PNKD: variants seen among roughly 807,000 people sequenced by gnomAD.
PNKD encodes PNKD metallo-beta-lactamase domain containing.
PNKD carries 36 observed loss-of-function variants against 45.3 expected under a neutral mutation model. That is an observed-to-expected ratio of 0.80 (90% CI 0.61 to 1.05). The LOEUF (loss-of-function observed/expected upper bound fraction) is 1.05, where lower values mean the gene tolerates loss of function less well. Among genes scored for constraint, PNKD ranks in the 50% least tolerant of loss-of-function variants. PNKD has a pLI of 0.00. For synonymous variants in PNKD, 197 were observed against 210.1 expected, an observed-to-expected ratio of 0.94 and a Z score of 0.54; for missense variants, 511 against 506.6, an observed-to-expected ratio of 1.01 and a Z score of -0.08.
intron 2 of PNKD, chr2:218,280,385 GGGTT>G (rs1691780230): frequency 2.4e-6 from 1 of 414,670 alleles, no homozygotes; most frequent in Non-Finnish European, 4.5e-6. Flanking sequence ...ACGCCACTGG[GGGTT>G]CACTGGGGGG....
intron 2 of PNKD, chr2:218,323,344 T>C: frequency 6.3e-7 from 1 of 1,581,826 alleles, no homozygotes. Context: ...GTCCTCGTCC[T>C]ACTTGTGAGC....
intron 2 of PNKD, chr2:218,292,467 T>G (rs1255104457): frequency 2.0e-5 from 3 of 152,230 alleles, no homozygotes; most frequent in Non-Finnish European, 2.9e-5. Context: ...CTGGCTTGCC[T>G]GCGCCGTTCC....
intron 7 of PNKD, among the ~76,000 whole-genome samples, chr2:218,343,018 T>G (rs1281230173): frequency 6.6e-6 from 1 of 152,226 alleles, no homozygotes; most frequent in Non-Finnish European, 1.5e-5. Context: ...AGAATGTCTG[T>G]AGCTGAGTAA....
intron 2 of PNKD, among the ~76,000 whole-genome samples, chr2:218,300,775 C>T (rs991940179): frequency 4.6e-5 from 7 of 151,640 alleles, no homozygotes; most frequent in Non-Finnish European, 1.5e-5. Flanking sequence ...GAACTCCTGA[C>T]CTCAAGTGAT....
intron 2 of PNKD, among the ~76,000 whole-genome samples, chr2:218,298,021 G>A (rs1319210950): frequency 1.3e-5 from 2 of 151,338 alleles, no homozygotes; most frequent in East Asian, 3.9e-4. Context: ...AAGAGAGAGA[G>A]AAATCATACT....
At chr2:218,299,841 G>A (rs1405760516) in intron 2 of PNKD, among the ~76,000 whole-genome samples, 3 of 151,304 alleles carry the variant, frequency 2.0e-5, no homozygotes, top group Non-Finnish European at 3.0e-5. Context: ...GGCTGGTCTC[G>A]AACTCCTGAC....
intron 2 of PNKD, chr2:218,274,711 A>T (rs893369349): frequency 6.4e-6 from 1 of 155,438 alleles, no homozygotes; most frequent in Non-Finnish European, 1.5e-5. Context: ...GAAGCCTGCA[A>T]GGAGGCCCCA....
chr2:218,331,757 C>A lies in PNKD; in HGVS notation c.237-8026C>A, dbSNP rs568581301. On this transcript the variant is annotated intron_variant, in intron 2 of 9. Transcript: ENST00000273077. ...CACTGGGATTACAGGCGTGAGCCAC[C>A]GCGCCCAGCCATGCTTTTGTATTTT... Among the ~76,000 whole-genome samples the A allele has an allele frequency of 1.8e-3, 279 of 152,270 alleles. 3 individuals are homozygous for A. Among genetic ancestry groups the A allele is most frequent in the African/African-American group, 6.4e-3 (268 of 41,552 alleles).
At chr2:218,276,079 C>T in intron 2 of PNKD, 1 of 1,612,840 alleles carries the variant, frequency 6.2e-7, no homozygotes, top group South Asian at 1.1e-5. Context: ...AGCCAGTAAA[C>T]CTGGAGAAGA....
intron 2 of PNKD, among the ~76,000 whole-genome samples, chr2:218,312,172 C>A (rs11888052): frequency 0.53 from 81,089 of 152,048 alleles, 22,557 homozygotes; most frequent in South Asian, 0.65. Flanking sequence ...GGAATTTCTT[C>A]TGTCTTCCTT....
chr2:218,330,740 GAGA>G (rs1694293563), intron 2 of PNKD, among the ~76,000 whole-genome samples: 4 of 152,236 alleles, frequency 2.6e-5, no homozygotes, highest in Admixed American at 2.0e-4. Flanking sequence ...GAGGGAGGAG[GAGA>G]AGAAGGTCAG....
At chr2:218,306,016 G>A (rs368512108) in intron 2 of PNKD, among the ~76,000 whole-genome samples, 89 of 152,228 alleles carry the variant, frequency 5.8e-4, no homozygotes, top group African/African-American at 1.4e-3. Flanking sequence ...TCACATCCCC[G>A]GGGGCATGGT....
chr2:218,344,362 G>A, intron 8 of PNKD, 93 bp from the exon 9 acceptor site: 1 of 876,644 alleles, frequency 1.1e-6, no homozygotes. Flanking sequence ...GTTGTCAGGT[G>A]CCCATCAGCC....
intron 2 of PNKD, chr2:218,279,050 TAGAC>T: frequency 1.9e-6 from 3 of 1,614,104 alleles, no homozygotes; most frequent in South Asian, 2.2e-5. Context: ...GGACACGTAG[TAGAC>T]AGCCACATTT....
In PNKD at chr2:218,271,463, G is replaced by A. The variant is rs371649118; in HGVS notation, c.150G>A (p.Lys50=). 4.3e-6 allele frequency: 7 copies of A among 1,614,130 alleles called. No homozygotes were observed. The highest frequency in any genetic ancestry group is 5.9e-6 in the Non-Finnish European group (7 of 1,179,980). Reference sequence around the variant, plus strand: ...AAAGCCACAGCTCCCCAGAGGGCAAGGAGGAACCTGAACCCCTATCCCCGG... The same window carrying A: ...AAAGCCACAGCTCCCCAGAGGGCAAAGAGGAACCTGAACCCCTATCCCCGG... ...ALQSHSSPEG[K]EEPEPLSPEL... is the part of the protein sequence containing the mutation. Residue 50 remains lysine (K), a synonymous_variant, in exon 2 of 10, where the codon AAG becomes AAA. Transcript: ENST00000273077.
At chr2:218,300,793 C>G (rs1055621519) in intron 2 of PNKD, among the ~76,000 whole-genome samples, 3 of 152,148 alleles carry the variant, frequency 2.0e-5, no homozygotes, top group Non-Finnish European at 2.9e-5. Flanking sequence ...GATCCACCCA[C>G]CTCTGCCTCC....
At chr2:218,334,695 G>A in intron 2 of PNKD, 1 of 702,600 alleles carries the variant, frequency 1.4e-6, no homozygotes, top group Non-Finnish European at 2.6e-6. Flanking sequence ...TACCACAGAA[G>A]TGATCTTATG....
At chr2:218,343,200 G>A (rs983615811) in intron 7 of PNKD, among the ~76,000 whole-genome samples, 1 of 152,232 alleles carries the variant, frequency 6.6e-6, no homozygotes, top group Non-Finnish European at 1.5e-5. Context: ...AGTGTTCCGT[G>A]GGAAAGAGCA....
intron 2 of PNKD, among the ~76,000 whole-genome samples, chr2:218,302,281 G>C (rs1693292066): frequency 6.6e-6 from 1 of 152,180 alleles, no homozygotes; most frequent in Non-Finnish European, 1.5e-5. Context: ...CCAGGAGGCA[G>C]AGGTTGCAGT....
Sources: allele counts gnomAD v4.1 joint callset (sites outside exome capture counted in the v4.1 genomes callset), GRCh38; gene constraint gnomAD v4.1.1; transcripts MANE v1.5; gene names NCBI Gene and HGNC (gene_info 2026-07-23, HGNC 2026-07-21).